Variants in ALK observed in about 807,000 individuals in gnomAD.
ALK encodes ALK receptor tyrosine kinase.
A neutral mutation model predicts 163.1 loss-of-function variants in ALK; 74 were observed. The observed-to-expected ratio is 0.45, with a 90% confidence interval of 0.38 to 0.55. ALK has a LOEUF of 0.55. ALK is among the 20% of genes least tolerant of loss of function. The pLI, the probability that ALK is intolerant of heterozygous loss-of-function variation, is 0.00. For missense variants in ALK, 2,063 were observed against 2,105.3 expected, an observed-to-expected ratio of 0.98 and a Z score of 0.39; for synonymous variants, 960 against 843.2, an observed-to-expected ratio of 1.14 and a Z score of -2.40.
At chr2:29,280,246 G>A (rs974634457) in intron 9 of ALK, among the ~76,000 whole-genome samples, 2 of 152,126 alleles carry the variant, frequency 1.3e-5, no homozygotes, top group African/African-American at 4.8e-5. Context: ...GGGACTGAGG[G>A]AACGTTTTAG....
chr2:29,219,465 C>A (rs1669725932), intron 23 of ALK, among the ~76,000 whole-genome samples: 1 of 152,336 alleles, frequency 6.6e-6, no homozygotes, highest in South Asian at 2.1e-4. Context: ...TCTGGAACCA[C>A]TGGCTGTCAG....
chr2:29,376,767 C>A (rs1668762461), intron 5 of ALK, among the ~76,000 whole-genome samples: 1 of 152,196 alleles, frequency 6.6e-6, no homozygotes, highest in Admixed American at 6.5e-5. Flanking sequence ...CCTCATTTAC[C>A]CAGCTGGATT....
At chr2:29,576,113 CTGAT>C (rs894269298) in intron 3 of ALK, among the ~76,000 whole-genome samples, 1 of 152,284 alleles carries the variant, frequency 6.6e-6, no homozygotes, top group East Asian at 1.9e-4. Flanking sequence ...CTGGGGCTGA[CTGAT>C]TGGCTGCTCT....
chr2:29,873,406 A>G (rs568931649), intron 1 of ALK, among the ~76,000 whole-genome samples: 1 of 152,258 alleles, frequency 6.6e-6, no homozygotes, highest in African/African-American at 2.4e-5. Flanking sequence ...CACTGGAGCA[A>G]CAGAAGCTGG....
intron 27 of ALK, 47 bp downstream of exon 27, chr2:29,197,495 G>A (rs1257155256): frequency 6.2e-7 from 1 of 1,607,418 alleles, no homozygotes; most frequent in Non-Finnish European, 8.5e-7. Context: ...TTTTTGAAAA[G>A]AAAAACTGCT....
Position 29,413,651 on chromosome 2 carries a change from C to T in ALK, c.1155-29792G>A, listed in dbSNP as rs559484930. On this transcript the variant is annotated intron_variant, in intron 4 of 28. Coordinates refer to ENST00000389048, the MANE Select transcript of ALK (RefSeq NM_004304.5). ...GGTTCAAGCAAGTCTCCTGCCTCAGCCTCCCAAGTAGCTGGGACTACAGGC... is the reference window on the plus strand; with the variant it reads ...GGTTCAAGCAAGTCTCCTGCCTCAGTCTCCCAAGTAGCTGGGACTACAGGC... Among the ~76,000 whole-genome samples the T allele has an allele frequency of 2.0e-5, 3 of 152,314 alleles. No homozygotes were observed. The South Asian group carries it at 6.2e-4, about 32-fold the overall frequency.
At chr2:29,836,584 G>C (rs1317827387) in intron 1 of ALK, among the ~76,000 whole-genome samples, 1 of 152,208 alleles carries the variant, frequency 6.6e-6, no homozygotes, top group Non-Finnish European at 1.5e-5. Context: ...CTAAGTATAA[G>C]TAAGTGTAAT....
chr2:29,435,164 C>A (rs149965255), intron 4 of ALK, among the ~76,000 whole-genome samples: 1 of 152,114 alleles, frequency 6.6e-6, no homozygotes, highest in South Asian at 2.1e-4. Flanking sequence ...ATGAGCTAAC[C>A]AAACGAAGGA....
At chr2:29,390,598 A>G (rs1669144216) in intron 4 of ALK, among the ~76,000 whole-genome samples, 2 of 151,748 alleles carry the variant, frequency 1.3e-5, no homozygotes, top group Non-Finnish European at 2.9e-5. Context: ...AAACATTTGA[A>G]CCTCTCTCTC....
chr2:29,396,525 T>TCAG (rs1321768206), intron 4 of ALK, among the ~76,000 whole-genome samples: 2 of 151,936 alleles, frequency 1.3e-5, no homozygotes, highest in Non-Finnish European at 2.9e-5. Flanking sequence ...AATACAAAAA[T>TCAG]CAGCTGGACA....
intron 1 of ALK, among the ~76,000 whole-genome samples, chr2:29,824,706 C>G (rs1558504912): frequency 6.6e-6 from 1 of 152,172 alleles, no homozygotes; most frequent in Admixed American, 6.5e-5. Flanking sequence ...TGCCTGTACC[C>G]CCATTGTATC....
rs61057760 is a variant in ALK, at chr2:29,860,392, G to GAAA, written c.667+59598_667+59600dup. On this transcript the variant is annotated intron_variant, in intron 1 of 28. Coordinates refer to ENST00000389048, the MANE Select transcript of ALK (RefSeq NM_004304.5). ...ACTAAGGATTAGTTAAGGAAAGGGAGAAAAAAAAAAAAAAACAGAAAAGAA... is the reference window on the plus strand; with the variant it reads ...ACTAAGGATTAGTTAAGGAAAGGGAGAAAAAAAAAAAAAAAAAACAGAAAAGAA... Among the ~76,000 whole-genome samples, 434 of 110,376 alleles carry GAAA rather than the reference G, an allele frequency of 3.9e-3. 2 individuals carry two copies. The highest frequency in any genetic ancestry group is 7.0e-3 in the Admixed American group (80 of 11,494). The allele number at this position is 110,376 out of a possible 152,430, so 72.4% of individuals were successfully genotyped here.
chr2:29,254,696 G>A (rs932587847), intron 11 of ALK, among the ~76,000 whole-genome samples: 2 of 152,170 alleles, frequency 1.3e-5, no homozygotes, highest in Non-Finnish European at 2.9e-5. Context: ...AGAATTAGAC[G>A]ATGACCTAGG....
rs542544638 is a variant in ALK at position 29,769,251 on chromosome 2, G to A, written c.668-51554C>T. Reference sequence around the variant, plus strand: ...GAAGGCAAAGAAGTATATGGAAAGGGGTTGGAGTCTCTTGACTTCCATCTT... The same window carrying A: ...GAAGGCAAAGAAGTATATGGAAAGGAGTTGGAGTCTCTTGACTTCCATCTT... On this transcript the variant is annotated intron_variant, in intron 1 of 28. Transcript: ENST00000389048. 2.0e-5 allele frequency among the ~76,000 whole-genome samples: 3 copies of A among 152,276 alleles called. No homozygotes were observed. In the South Asian group the frequency reaches 6.2e-4, roughly 32 times the overall value.
At chr2:29,306,372 C>G (rs1038431837) in intron 8 of ALK, among the ~76,000 whole-genome samples, 2 of 152,144 alleles carry the variant, frequency 1.3e-5, no homozygotes, top group Non-Finnish European at 2.9e-5. Context: ...GAGTGCAATG[C>G]CCATGTAATA....
At chr2:29,440,188 C>A (rs775461801) in intron 4 of ALK, among the ~76,000 whole-genome samples, 1 of 151,964 alleles carries the variant, frequency 6.6e-6, no homozygotes, top group Non-Finnish European at 1.5e-5. Context: ...GAGCCGAGAT[C>A]GTGCCATTGC....
Position 29,193,407 on chromosome 2 carries a change from A to G in ALK, c.4680T>C (p.Ser1560=), listed in dbSNP as rs751872583. 4 of 1,614,204 alleles carry G rather than the reference A, an allele frequency of 2.5e-6. No homozygotes were observed. The South Asian group carries it at 4.4e-5, about 18-fold the overall frequency. Residue 1560 remains serine, a synonymous_variant, in exon 29 of 29, where the codon TCT becomes TCC. Transcript: ENST00000389048. ...LPGASLLLEP[S]SLTANMKEVP... Reference sequence around the variant, plus strand: ...CCTCCTTCATATTGGCAGTCAGCGAAGAGGGCTCTAGGAGCAGTGAGGCCC... The same window carrying G: ...CCTCCTTCATATTGGCAGTCAGCGAGGAGGGCTCTAGGAGCAGTGAGGCCC...
intron 5 of ALK, among the ~76,000 whole-genome samples, chr2:29,345,345 C>G (rs1406232): frequency 0.99 from 150,560 of 152,030 alleles, 74,568 homozygotes; most frequent in East Asian, 1. Context: ...GAAGGTCGAG[C>G]CTGTAGTGAG....
intron 1 of ALK, among the ~76,000 whole-genome samples, chr2:29,792,471 G>A (rs1052879351): frequency 6.6e-6 from 1 of 152,012 alleles, no homozygotes; most frequent in African/African-American, 2.4e-5. Flanking sequence ...CACAATAAAA[G>A]GCAGATAAAG....
Sources: gnomAD v4.1 joint callset for allele counts (sites outside exome capture counted in the v4.1 genomes callset) on GRCh38, gnomAD v4.1.1 for gene constraint, MANE v1.5 for transcripts, NCBI Gene and HGNC (gene_info 2026-07-23, HGNC 2026-07-21) for gene names.